Variants in ESYT1 observed in about 807,000 individuals in gnomAD.
The protein encoded by ESYT1 is extended synaptotagmin 1, also known as extended synaptotagmin-1.
Under a neutral mutation model 154.2 loss-of-function variants are expected in ESYT1, and 116 were observed. The ratio of observed to expected loss-of-function variants is 0.75; its 90% confidence interval spans 0.65 to 0.88. ESYT1 has a LOEUF of 0.88. Ranked by LOEUF, ESYT1 falls within the 40% of genes least tolerant of loss-of-function variation. The pLI is 0.00. For missense variants in ESYT1, 1,264 were observed against 1,379.3 expected (o/e 0.92, Z 1.32); for synonymous variants, 500 against 539.9 (o/e 0.93, Z 1.02).
intron 24 of ESYT1, among the ~76,000 whole-genome samples, chr12:56,141,551 T>C (rs192743894): frequency 5.4e-4 from 82 of 152,190 alleles, no homozygotes; most frequent in East Asian, 3.3e-3. Context: ...CCATCCTGGC[T>C]AACACGGTGA....
chr12:56,137,383 T>C lies in ESYT1; in HGVS notation c.1938+10T>C, dbSNP rs749920344. ...CCAGTTTGGGACTGAGGTGAGTCTA[T>C]ATCTGGAAAGGACTAGGGTCTGTTT... On this transcript the variant is annotated intron_variant, in intron 17 of 30. Transcript: ENST00000394048. The C allele has an allele frequency of 8.1e-6, 13 of 1,614,064 alleles. No homozygotes were observed. In the Admixed American group the frequency reaches 2.0e-4, roughly 25 times the overall value.
chr12:56,139,057 T>C (rs886963152), intron 24 of ESYT1, 44 bp downstream of exon 24: 12 of 1,490,796 alleles, frequency 8.0e-6, no homozygotes, highest in Middle Eastern at 1.7e-4. Flanking sequence ...ATTTCTGCCA[T>C]GGCCAGGCAG....
chr12:56,132,822 A>T lies in ESYT1; in HGVS notation c.1244+21A>T. On this transcript the variant is annotated intron_variant, in intron 10 of 30. Coordinates refer to ENST00000394048, the MANE Select transcript of ESYT1 (RefSeq NM_015292.3). ...GGCAGGTGAGACTCTGCCTGTTAGG[A>T]TTCTAAAGCCCATGCTGGCCAGGCA... The T allele has an allele frequency of 3.1e-6, 5 of 1,610,792 alleles. 1 individual carries two copies. In the South Asian group the frequency reaches 5.5e-5, roughly 18 times the overall value.
At chr12:56,141,569 T>TCA (rs1276618508) in intron 24 of ESYT1, among the ~76,000 whole-genome samples, 1 of 152,098 alleles carries the variant, frequency 6.6e-6, no homozygotes, top group African/African-American at 2.4e-5. Flanking sequence ...TGAAACCCTG[T>TCA]CTCTATTAAA....
chr12:56,128,449 G>T lies in ESYT1; in HGVS notation c.130G>T (p.Gly44Cys). 1.2e-6 allele frequency: 2 copies of T among 1,612,952 alleles called. No individual in the cohort carries two copies. The highest frequency in any genetic ancestry group is 8.5e-7 in the Non-Finnish European group (1 of 1,179,536). The change falls in exon 1 of 31, where the codon GGC becomes TGC. Residue 44 changes from glycine (G) to cysteine (C), a missense_variant. Transcript: ENST00000394048. ...CCCAGGTTCTGGGGGCCAACCTGCT[G>T]GCCCTGGCGCGGCGGGTGAGGCCCT... ...PDPGSGGQPA[G>C]PGAAGEALAV...
chr12:56,142,706 C>T lies in ESYT1; in HGVS notation c.2862C>T (p.Leu954=). 2 of 1,613,968 alleles carry T rather than the reference C, an allele frequency of 1.2e-6. No individual in the cohort carries two copies. The highest frequency in any genetic ancestry group is 2.7e-5 in the African/African-American group (2 of 75,054). The part of the protein sequence containing the change: ...PPHITSSAPE[L]RQRLTHVDSP... ...ACATCACCTCCTCAGCCCCAGAGCT[C>T]CGGCAGCGCCTAACACATGTTGACA... The change falls in exon 26 of 31, where the codon CTC becomes CTT. Residue 954 remains leucine (L), a synonymous_variant. Coordinates refer to ENST00000394048, the MANE Select transcript of ESYT1 (RefSeq NM_015292.3). This position sits in a 1 kb window ranked among gnomAD's most constrained non-coding sequence, Gnocchi z 4.1.
rs562086537 is a variant in ESYT1 at position 56,133,824 on chromosome 12, C to T, written c.1424C>T (p.Pro475Leu). 2.4e-5 allele frequency: 39 copies of T among 1,614,150 alleles called. 1 individual carries two copies. In the South Asian group the frequency reaches 2.5e-4, roughly 10 times the overall value. ...GGAGTCTCCTCTCGACCAGATCCCC[C>T]GTCAGCTGCCATCTTAGTTGTCTAC... ...NWGVSSRPDP[P>L]SAAILVVYLD... Residue 475 changes from proline to leucine, a missense_variant, in exon 13 of 31, where the codon CCG becomes CTG. Coordinates refer to ENST00000394048, the MANE Select transcript of ESYT1 (RefSeq NM_015292.3).
At chr12:56,143,406 G>A in intron 29 of ESYT1, 73 bp downstream of exon 29, 4 of 1,538,584 alleles carry the variant, frequency 2.6e-6, no homozygotes, top group Non-Finnish European at 3.6e-6. Context: ...TCCCTGTGAG[G>A]AAGGAAGTAC....
At position 56,143,610 on chromosome 12, in the gene ESYT1, T is replaced by C; in HGVS notation, c.3256T>C (p.Ser1086Pro). ...GCTGGACCTAGCTGAGACAGACCTTTCCCAGGGTGTAGCCCGGTGGTGAGT... is the reference window on the plus strand; with the variant it reads ...GCTGGACCTAGCTGAGACAGACCTTCCCCAGGGTGTAGCCCGGTGGTGAGT... ...VQLDLAETDL[S>P]QGVARWYDLM... The change falls in exon 30 of 31, where the codon TCC becomes CCC. Residue 1086 changes from serine to proline, a missense_variant. Coordinates refer to ENST00000394048, the MANE Select transcript of ESYT1 (RefSeq NM_015292.3). 3 of 1,614,144 alleles carry C rather than the reference T, an allele frequency of 1.9e-6. No homozygotes were observed. In the African/African-American group the frequency reaches 4.0e-5, roughly 22 times the overall value.
At position 56,133,875 on chromosome 12, in the gene ESYT1, T is replaced by TGAGTTTGGCTGGGTGAACAG. The variant is rs757436216; in HGVS notation, c.1473+6_1473+25dup. 21 of 1,613,724 alleles carry TGAGTTTGGCTGGGTGAACAG rather than the reference T, an allele frequency of 1.3e-5. No homozygotes were observed. The highest frequency in any genetic ancestry group is 1.8e-5 in the Non-Finnish European group (21 of 1,179,874). On this transcript the variant is annotated splice_region_variant and intron_variant, in intron 13 of 30. Coordinates refer to ENST00000394048, the MANE Select transcript of ESYT1 (RefSeq NM_015292.3). ...CTGGATCGGGCCCAGGATCTTCCTG[T>TGAGTTTGGCTGGGTGAACAG]GAGTTTGGCTGGGTGAACAGGAGCC...
intron 24 of ESYT1, among the ~76,000 whole-genome samples, chr12:56,139,682 GC>G (rs1870612597): frequency 6.7e-6 from 1 of 149,892 alleles, no homozygotes; most frequent in African/African-American, 2.5e-5. Context: ...TGCAACCTCA[GC>G]CTTCCAGGTT....
At position 56,142,629 on chromosome 12, in the gene ESYT1, C is replaced by T. The variant is rs1239137708; in HGVS notation, c.2785C>T (p.His929Tyr). The T allele has an allele frequency of 6.2e-7, 1 of 1,613,996 alleles. No individual in the cohort carries two copies. The highest frequency in any genetic ancestry group is 2.2e-5 in the East Asian group (1 of 44,880). The change falls in exon 26 of 31, where the codon CAC becomes TAC. Residue 929 changes from histidine to tyrosine, a missense_variant. Physicochemically the swap from His to Tyr is moderately conservative, Grantham distance 83 (BLOSUM62 2). Coordinates refer to ENST00000394048, the MANE Select transcript of ESYT1 (RefSeq NM_015292.3). The surrounding 1 kb of genome is among the most constrained non-coding windows in gnomAD (Gnocchi z 4.1). Reference protein sequence around the residue: ...GVEAHSHSYSHSSSSLSEEPE... With the variant: ...GVEAHSHSYSYSSSSLSEEPE... ...GGAAGCTCATAGCCACAGCTACAGCCACAGCTCCTCATCGCTGAGTGAAGA... is the reference window on the plus strand; with the variant it reads ...GGAAGCTCATAGCCACAGCTACAGCTACAGCTCCTCATCGCTGAGTGAAGA...
Position 56,141,613 on chromosome 12 carries a change from A to G in ESYT1, c.2593-672A>G, listed in dbSNP as rs569947762. Among the ~76,000 whole-genome samples, 30 of 152,268 alleles carry G rather than the reference A, an allele frequency of 2.0e-4. 1 individual carries two copies. Among genetic ancestry groups the G allele is most frequent in the South Asian group, 4.1e-4 (2 of 4,824 alleles). On this transcript the variant is annotated intron_variant, in intron 24 of 30. Transcript: ENST00000394048. ...AAATTAGCCGGGTGTGGTGGCGGACACCTGTAGTCCCAGCTACTTGGGAGG... is the reference window on the plus strand; with the variant it reads ...AAATTAGCCGGGTGTGGTGGCGGACGCCTGTAGTCCCAGCTACTTGGGAGG...
rs753089681 is a variant in ESYT1, at chr12:56,143,316, C to T, written c.3208C>T (p.Arg1070Cys). 3 of 1,613,960 alleles carry T rather than the reference C, an allele frequency of 1.9e-6. No individual in the cohort carries two copies. The highest frequency in any genetic ancestry group is 2.2e-5 in the East Asian group (1 of 44,882). ...TAATTCCTCCTTCATGTCAAGAGAG[C>T]GTGAGCTGCTGGGGAAGGTAAGAGG... ...KSNSSFMSRERELLGKVQLDL... is the reference protein window; with the variant it reads ...KSNSSFMSRECELLGKVQLDL... The change falls in exon 29 of 31, where the codon CGT becomes TGT. Residue 1070 changes from arginine (R) to cysteine (C), a missense_variant. Transcript: ENST00000394048.
intron 15 of ESYT1, among the ~76,000 whole-genome samples, chr12:56,136,149 A>G (rs1870444226): frequency 6.6e-6 from 1 of 152,016 alleles, no homozygotes; most frequent in South Asian, 2.1e-4. Context: ...TATAGGACTA[A>G]GGAGGGTCAG....
In ESYT1 at chr12:56,134,334, A is replaced by G. The variant is rs2292237; in HGVS notation, c.1546-8A>G. ...TATACACCCTTAATCCCTCCTCTAC[A>G]TCTCCAGGCTGTCTACAGTACCAAC... On this transcript the variant is annotated splice_polypyrimidine_tract_variant and splice_region_variant and intron_variant, in intron 14 of 30. Coordinates refer to ENST00000394048, the MANE Select transcript of ESYT1 (RefSeq NM_015292.3). 0.064 allele frequency: 103,976 copies of G among 1,613,530 alleles called. 5,979 individuals carry two copies. The highest frequency in any genetic ancestry group is 0.27 in the South Asian group (24,847 of 91,048).
Position 56,144,113 on chromosome 12 carries a change from T to A in ESYT1, c.*251T>A. ...TGAGCTGGCTGTTTCCTGCTTTGCC[T>A]GCACATTGTTCTCCCTTCCTCCCAA... On this transcript the variant is annotated 3_prime_UTR_variant, in exon 31 of 31. Coordinates refer to ENST00000394048, the MANE Select transcript of ESYT1 (RefSeq NM_015292.3). The A allele has an allele frequency of 7.1e-7, 1 of 1,410,780 alleles. No individual in the cohort carries two copies. Among genetic ancestry groups the A allele is most frequent in the Non-Finnish European group, 9.2e-7 (1 of 1,084,928 alleles). The allele number at this position is 1,410,780 out of a possible 1,614,324, so 87.4% of individuals were successfully genotyped here. A position where few individuals can be genotyped will look rare whatever the true frequency, so the allele number is the denominator to read the frequency against.
intron 7 of ESYT1, 27 bp downstream of exon 7, chr12:56,131,831 T>A (rs1322780961): frequency 6.2e-7 from 1 of 1,612,370 alleles, no homozygotes; most frequent in Non-Finnish European, 8.5e-7. Flanking sequence ...GAGCACCTGC[T>A]GAGTGTTCCA....
chr12:56,128,929 C>T, intron 1 of ESYT1: 3 of 589,880 alleles, frequency 5.1e-6, no homozygotes, highest in East Asian at 2.9e-5. Flanking sequence ...AGACTGGATC[C>T]TTCCACAGAA....
Sources: allele counts gnomAD v4.1 joint callset (sites outside exome capture counted in the v4.1 genomes callset), GRCh38; gene constraint gnomAD v4.1.1; non-coding constraint Gnocchi (gnomAD v3.1); transcripts MANE v1.5; gene names NCBI Gene and HGNC (gene_info 2026-07-23, HGNC 2026-07-21).